The following CNTN1 variants were observed in gnomAD, a reference collection of about 807,000 sequenced individuals.
The protein encoded by CNTN1 is contactin 1, also known as contactin-1.
Under a neutral mutation model 126.4 loss-of-function variants are expected in CNTN1, and 38 were observed. That is an observed-to-expected ratio of 0.30 (90% CI 0.23 to 0.39). The LOEUF is 0.39. Among genes scored for constraint, CNTN1 ranks in the 10% least tolerant of loss-of-function variants. CNTN1 has a pLI of 1.00. For missense variants in CNTN1, 1,009 were observed against 1,248.4 expected, an observed-to-expected ratio of 0.81 and a Z score of 2.89; for synonymous variants, 413 against 422.6, an observed-to-expected ratio of 0.98 and a Z score of 0.28.
At position 40,799,029 on chromosome 12, in the gene CNTN1, T is replaced by C. The variant is rs375219916; in HGVS notation, c.-77+106437T>C. 2.0e-5 allele frequency among the ~76,000 whole-genome samples: 3 copies of C among 151,900 alleles called. No homozygotes were observed. The East Asian group carries it at 5.8e-4, about 29-fold the overall frequency. On this transcript the variant is annotated intron_variant, in intron 1 of 23. Transcript: ENST00000551295. ...CATAAAGATCAGTAAATTGAATTAC[T>C]GTTCAAGTCTCTTAGGTTATCGGAT...
chr12:40,891,584 A>AT (rs895748530), intron 1 of CNTN1, among the ~76,000 whole-genome samples: 2 of 151,964 alleles, frequency 1.3e-5, no homozygotes, highest in Non-Finnish European at 2.9e-5. Flanking sequence ...ACGTAGCTAA[A>AT]TTTTTTTTGT....
intron 3 of CNTN1, among the ~76,000 whole-genome samples, chr12:40,912,102 G>A (rs769574906): frequency 6.6e-6 from 1 of 152,136 alleles, no homozygotes; most frequent in African/African-American, 2.4e-5. Context: ...AGTAGCTAGT[G>A]TTCAAATATA....
At chr12:40,989,264 T>G (rs1948043148) in intron 16 of CNTN1, among the ~76,000 whole-genome samples, 1 of 152,168 alleles carries the variant, frequency 6.6e-6, no homozygotes, top group Non-Finnish European at 1.5e-5. Flanking sequence ...GAAAGAAGAT[T>G]GCATTAGGTA....
At position 40,921,438 on chromosome 12, in the gene CNTN1, T is replaced by TCTACATG. The variant is rs759832840; in HGVS notation, c.228-816_228-810dup. Among the ~76,000 whole-genome samples the TCTACATG allele has an allele frequency of 2.5e-4, 38 of 152,220 alleles. 1 individual carries two copies. The highest frequency in any genetic ancestry group is 1.5e-3 in the Admixed American group (23 of 15,272). Reference sequence around the variant, plus strand: ...TGGTTCTCTTAGTTGAGAACTATTTTCTACATGCATTCTTTTCATCATCAC... The same window carrying TCTACATG: ...TGGTTCTCTTAGTTGAGAACTATTTTCTACATGCTACATGCATTCTTTTCATCATCAC... On this transcript the variant is annotated intron_variant, in intron 4 of 23. Coordinates refer to ENST00000551295, the MANE Select transcript of CNTN1 (RefSeq NM_001843.4).
chr12:41,026,832 GT>G (rs1288332088), intron 21 of CNTN1, among the ~76,000 whole-genome samples: 2 of 152,132 alleles, frequency 1.3e-5, no homozygotes, highest in Non-Finnish European at 2.9e-5. Context: ...ATTGTGGTGG[GT>G]TAACAGTGGA....
At chr12:40,744,908 ATTTAT>A (rs1938118152) in intron 1 of CNTN1, among the ~76,000 whole-genome samples, 1 of 152,042 alleles carries the variant, frequency 6.6e-6, no homozygotes, top group Non-Finnish European at 1.5e-5. Context: ...AAATAATCAT[ATTTAT>A]TTTATGTGTT....
intron 1 of CNTN1, among the ~76,000 whole-genome samples, chr12:40,862,208 TACACACAC>T (rs145686900): frequency 2.7e-5 from 4 of 147,254 alleles, no homozygotes; most frequent in African/African-American, 7.6e-5. Context: ...TGTCTCTTAA[TACACACAC>T]ACACACACAC....
At chr12:41,018,884 T>C (rs928239994) in intron 19 of CNTN1, among the ~76,000 whole-genome samples, 15 of 152,122 alleles carry the variant, frequency 9.9e-5, no homozygotes, top group African/African-American at 3.6e-4. Flanking sequence ...TGGCTGAGCG[T>C]GGTGGCTCAT....
At chr12:41,038,391 G>A (rs1949318392) in intron 23 of CNTN1, among the ~76,000 whole-genome samples, 2 of 152,020 alleles carry the variant, frequency 1.3e-5, no homozygotes, top group Admixed American at 1.3e-4. Context: ...CAGGGTTGGT[G>A]TCTTCTAAGG....
chr12:40,918,536 G>C, intron 3 of CNTN1, 103 bp from the exon 4 acceptor site: 1 of 1,024,588 alleles, frequency 9.8e-7, no homozygotes, highest in Non-Finnish European at 1.5e-6. Flanking sequence ...TTAAAATGGA[G>C]ATTCTGTTTC....
rs553509717 is a variant in CNTN1 at position 40,889,750 on chromosome 12, C to G, written c.-76-18607C>G. On this transcript the variant is annotated intron_variant, in intron 1 of 23. Coordinates refer to ENST00000551295, the MANE Select transcript of CNTN1 (RefSeq NM_001843.4). ...CGTGGCAGTTTACCTATCATATGTA[C>G]TCCAGTGATGAGAAGAATCATGAAG... 4.6e-5 allele frequency among the ~76,000 whole-genome samples: 7 copies of G among 152,222 alleles called. No homozygotes were observed. In the South Asian group the frequency reaches 1.5e-3, roughly 32 times the overall value.
intron 21 of CNTN1, among the ~76,000 whole-genome samples, chr12:41,025,834 C>T (rs1035238594): frequency 6.6e-6 from 1 of 152,126 alleles, no homozygotes; most frequent in African/African-American, 2.4e-5. Context: ...ACCGCCTATC[C>T]CTGCTCACGT....
intron 23 of CNTN1, among the ~76,000 whole-genome samples, chr12:41,063,203 G>A (rs1949975746): frequency 6.6e-6 from 1 of 152,242 alleles, no homozygotes; most frequent in African/African-American, 2.4e-5. Flanking sequence ...GTCTTCAGTA[G>A]CTAAAGAGAG....
intron 1 of CNTN1, among the ~76,000 whole-genome samples, chr12:40,842,518 T>C (rs1346663349): frequency 6.6e-6 from 1 of 152,162 alleles, no homozygotes; most frequent in Non-Finnish European, 1.5e-5. Context: ...CCCCATAATA[T>C]ATATAACTTA....
At chr12:40,695,139 C>T (rs1198878354) in intron 1 of CNTN1, among the ~76,000 whole-genome samples, 2 of 152,196 alleles carry the variant, frequency 1.3e-5, no homozygotes, top group Non-Finnish European at 2.9e-5. Flanking sequence ...CAGAAAAAGA[C>T]TACACTTATA....
chr12:40,925,123 T>C (rs1945596976), intron 6 of CNTN1, among the ~76,000 whole-genome samples: 1 of 151,772 alleles, frequency 6.6e-6, no homozygotes, highest in African/African-American at 2.4e-5. Context: ...GCAAGAATAA[T>C]CATCTACTTT....
At chr12:40,944,202 C>T (rs1372968832) in intron 14 of CNTN1, 32 bp downstream of exon 14, 4 of 1,525,978 alleles carry the variant, frequency 2.6e-6, no homozygotes, top group Non-Finnish European at 3.6e-6. Flanking sequence ...TTATTAACAC[C>T]CCAGTGATTC....
intron 1 of CNTN1, among the ~76,000 whole-genome samples, chr12:40,773,633 GTATATA>G (rs371522549): frequency 2.1e-5 from 1 of 46,640 alleles, no homozygotes; most frequent in African/African-American, 6.7e-5. Flanking sequence ...ACCAGAAACT[GTATATA>G]TATATATATA....
intron 17 of CNTN1, among the ~76,000 whole-genome samples, chr12:40,998,730 G>A (rs1339115295): frequency 6.6e-6 from 1 of 152,054 alleles, no homozygotes; most frequent in African/African-American, 2.4e-5. Context: ...TAGAATTAAT[G>A]CAGGTGTTAG....
Sources: allele counts gnomAD v4.1 joint callset (sites outside exome capture counted in the v4.1 genomes callset), GRCh38; gene constraint gnomAD v4.1.1; transcripts MANE v1.5; gene names NCBI Gene and HGNC (gene_info 2026-07-23, HGNC 2026-07-21).